TMED3: variants seen among roughly 807,000 people sequenced by gnomAD.
TMED3 encodes the protein transmembrane p24 trafficking protein 3.
Under a neutral mutation model 15.0 loss-of-function variants are expected in TMED3, and 9 were observed. The ratio of observed to expected loss-of-function variants is 0.60; its 90% CI spans 0.36 to 1.04. The LOEUF is 1.04. Among genes scored for constraint, TMED3 ranks in the 50% least tolerant of loss-of-function variants. The pLI is 0.01. For missense variants in TMED3, 267 were observed against 278.9 expected, an observed-to-expected ratio of 0.96 and a Z score of 0.30; for synonymous variants, 117 against 121.4, an observed-to-expected ratio of 0.96 and a Z score of 0.24.
intron 2 of TMED3, among the ~76,000 whole-genome samples, chr15:79,331,542 C>CAAAAAAAAAAAAAAAAAAAGAAA (rs2058808849): frequency 1.1e-5 from 1 of 89,250 alleles, no homozygotes; most frequent in Non-Finnish European, 2.1e-5. Flanking sequence ...GCAAAAGAAG[C>CAAAAAAAAAAAAAAAAAAAGAAA]AAAAAAAAAA....
chr15:79,333,636 G>A (rs74931699), intron 2 of TMED3, among the ~76,000 whole-genome samples: 6,873 of 152,202 alleles, frequency 0.045, 528 homozygotes, highest in African/African-American at 0.16. Flanking sequence ...TGGAGAAATC[G>A]TTCAAGAACT....
chr15:79,413,286 G>T (rs549225490), exon 3 of TMED3: 1 of 152,354 alleles, frequency 6.6e-6, no homozygotes, highest in African/African-American at 2.4e-5. Flanking sequence ...GTGGACCCAA[G>T]CTCCCTTCAA....
chr15:79,347,929 A>G (rs1429452033), intron 2 of TMED3, among the ~76,000 whole-genome samples: 1 of 152,208 alleles, frequency 6.6e-6, no homozygotes, highest in African/African-American at 2.4e-5. Context: ...AAAGCATATC[A>G]TTTTGAAAGT....
At chr15:79,314,345 G>A (rs547925064) in intron 2 of TMED3, among the ~76,000 whole-genome samples, 1 of 152,312 alleles carries the variant, frequency 6.6e-6, no homozygotes, top group Non-Finnish European at 1.5e-5. Context: ...AAAGACCAAA[G>A]TCCTACTTTG....
chr15:79,327,527 C>T (rs941808534), downstream of TMED3, among the ~76,000 whole-genome samples: 2 of 152,198 alleles, frequency 1.3e-5, no homozygotes, highest in African/African-American at 2.4e-5. Flanking sequence ...TACAAATGTT[C>T]GAGCACAGAG....
chr15:79,315,145 G>A (rs1319648561), intron 2 of TMED3, among the ~76,000 whole-genome samples: 1 of 152,170 alleles, frequency 6.6e-6, no homozygotes, highest in Admixed American at 6.5e-5. Context: ...GCACACTCAC[G>A]AGTGCCTGTG....
intron 2 of TMED3, among the ~76,000 whole-genome samples, chr15:79,320,119 C>T (rs1202515727): frequency 1.3e-5 from 2 of 152,230 alleles, no homozygotes; most frequent in East Asian, 1.9e-4. Flanking sequence ...CTGACGCTAC[C>T]GCTAGACCAC....
intron 2 of TMED3, among the ~76,000 whole-genome samples, chr15:79,398,689 G>T (rs1433544541): frequency 7.0e-6 from 1 of 143,824 alleles, no homozygotes; most frequent in Non-Finnish European, 1.6e-5. Context: ...AAGGCCATCT[G>T]CTTTACTCAG....
chr15:79,352,664 G>GAAAAA (rs146674672), intron 2 of TMED3, among the ~76,000 whole-genome samples: 2 of 122,672 alleles, frequency 1.6e-5, no homozygotes, highest in South Asian at 2.4e-4. Flanking sequence ...CATTAACTAA[G>GAAAAA]AAAAAAAAAA....
At chr15:79,381,334 A>G (rs1050861599) in intron 2 of TMED3, among the ~76,000 whole-genome samples, 2 of 152,180 alleles carry the variant, frequency 1.3e-5, no homozygotes, top group Non-Finnish European at 2.9e-5. Flanking sequence ...CCCATGAACC[A>G]AAGGAGACAA....
At position 79,322,141 on chromosome 15, in the gene TMED3, G is replaced by C. The variant is rs571655759; in HGVS notation, c.581G>C (p.Ser194Thr). 1.2e-6 allele frequency: 2 copies of C among 1,614,240 alleles called. No homozygotes were observed. Among genetic ancestry groups the C allele is most frequent in the Admixed American group, 1.7e-5 (1 of 60,030 alleles). ...GAGACGATTGCCCTGTTCGTGGTCAGCTTCAGTCAGGTGCTACTGTTGAAA... is the reference window on the plus strand; with the variant it reads ...GAGACGATTGCCCTGTTCGTGGTCACCTTCAGTCAGGTGCTACTGTTGAAA... ...VGETIALFVV[S>T]FSQVLLLKSF... is the part of the protein sequence containing the mutation. The change falls in exon 3 of 3, where the codon AGC (serine) becomes ACC (threonine). Residue 194 changes from serine (S) to threonine (T), a missense_variant. Ser to Thr is a moderately conservative substitution (Grantham distance 58, BLOSUM62 1). This residue lies in a region of TMED3 where 139 missense variants were observed against 125.0 expected (regional missense o/e 1.11). Coordinates refer to ENST00000299705, the MANE Select transcript of TMED3 (RefSeq NM_007364.4).
downstream of TMED3, among the ~76,000 whole-genome samples, chr15:79,327,171 A>G (rs924759114): frequency 5.3e-5 from 8 of 152,186 alleles, no homozygotes; most frequent in African/African-American, 1.7e-4. Context: ...ACTGGTATCA[A>G]ATTTTAATAT....
intron 2 of TMED3, among the ~76,000 whole-genome samples, chr15:79,369,016 A>G (rs146684285): frequency 4.4e-4 from 67 of 151,088 alleles, no homozygotes; most frequent in African/African-American, 1.5e-3. Context: ...AATCACTTGA[A>G]CCTCGGAGGT....
chr15:79,315,227 C>T (rs932719751), intron 2 of TMED3, among the ~76,000 whole-genome samples: 4 of 152,132 alleles, frequency 2.6e-5, no homozygotes, highest in African/African-American at 9.7e-5. Flanking sequence ...GTACAGTAGC[C>T]AGTGTCTAAA....
intron 2 of TMED3, chr15:79,383,199 T>G: frequency 1.6e-6 from 1 of 613,416 alleles, no homozygotes; most frequent in Non-Finnish European, 2.9e-6. Flanking sequence ...ATCAGTATAG[T>G]CATTGATCTT....
chr15:79,346,064 T>G (rs1035459261), intron 2 of TMED3, among the ~76,000 whole-genome samples: 2 of 152,222 alleles, frequency 1.3e-5, no homozygotes, highest in Admixed American at 1.3e-4. Flanking sequence ...CTTTGTCAGA[T>G]GCATAGTTTG....
chr15:79,368,275 A>C (rs1340771148), intron 2 of TMED3, among the ~76,000 whole-genome samples: 1 of 152,112 alleles, frequency 6.6e-6, no homozygotes, highest in Non-Finnish European at 1.5e-5. Context: ...CTTAGAGCTT[A>C]TTTTCAAGCT....
Position 79,361,650 on chromosome 15 carries a change from C to T in TMED3, c.417+47645C>T, listed in dbSNP as rs28731466. Among the ~76,000 whole-genome samples the T allele has an allele frequency of 7.8e-4, 118 of 151,872 alleles. 1 individual carries two copies. Among genetic ancestry groups the T allele is most frequent in the African/African-American group, 2.8e-3 (114 of 41,352 alleles). ...TGCATCAAAATCTCACAAGTCACCA[C>T]TAAAGAACTTACTCATGTAATCAAA... On this transcript the variant is annotated intron_variant, in intron 2 of 2. Coordinates refer to the TMED3 transcript ENST00000424155.
chr15:79,394,304 A>G (rs116700585), intron 2 of TMED3, among the ~76,000 whole-genome samples: 1 of 152,202 alleles, frequency 6.6e-6, no homozygotes, highest in East Asian at 1.9e-4. Flanking sequence ...GCCGATCTTT[A>G]TAGAATGTTA....
Sources: allele counts gnomAD v4.1 joint callset (sites outside exome capture counted in the v4.1 genomes callset), GRCh38; gene constraint gnomAD v4.1.1; regional missense constraint gnomAD v4.1.1; transcripts MANE v1.5; gene names NCBI Gene and HGNC (gene_info 2026-07-23, HGNC 2026-07-21).